Variants in SPOCK1 observed in about 807,000 individuals in gnomAD.
SPOCK1 encodes the protein SPARC (osteonectin), cwcv and kazal like domains proteoglycan 1, also known as testican-1.
In SPOCK1, 23 loss-of-function variants were observed where a neutral mutation model predicts 55.3. The observed-to-expected ratio is 0.42, with a 90% confidence interval of 0.30 to 0.59. The LOEUF is 0.59. Ranked by LOEUF, SPOCK1 falls within the 20% of genes least tolerant of loss-of-function variation. SPOCK1 has a pLI of 0.22. For synonymous variants in SPOCK1, 226 were observed against 221.0 expected, an observed-to-expected ratio of 1.02 and a Z score of -0.20; for missense variants, 499 against 552.5, an observed-to-expected ratio of 0.90 and a Z score of 0.97.
At chr5:137,125,651 A>T (rs1038586900) in intron 4 of SPOCK1, among the ~76,000 whole-genome samples, 9 of 152,276 alleles carry the variant, frequency 5.9e-5, no homozygotes, top group Non-Finnish European at 7.4e-5. Flanking sequence ...GGAACTTCCT[A>T]GCCTTCAGAA....
At position 137,072,214 on chromosome 5, in the gene SPOCK1, T is replaced by G. The variant is rs778158489; in HGVS notation, c.475-4385A>C. Among the ~76,000 whole-genome samples, 24 of 152,342 alleles carry G rather than the reference T, an allele frequency of 1.6e-4. 1 individual carries two copies. The Middle Eastern group carries it at 0.01, about 65-fold the overall frequency. On this transcript the variant is annotated intron_variant, in intron 5 of 10. Transcript: ENST00000394945. ...CCAGAAAAGAGGAAATATTAAAAAT[T>G]CAAACCTTTATATTGATTTTATGAT...
chr5:137,092,469 C>A (rs1382968484), intron 5 of SPOCK1, among the ~76,000 whole-genome samples: 2 of 152,198 alleles, frequency 1.3e-5, no homozygotes, highest in Non-Finnish European at 2.9e-5. Context: ...CTTGACACTT[C>A]TCTTATGTAA....
intron 3 of SPOCK1, among the ~76,000 whole-genome samples, chr5:137,234,020 G>GCTGGAAAGGACAGT (rs1369080855): frequency 6.6e-6 from 1 of 152,104 alleles, no homozygotes; most frequent in Non-Finnish European, 1.5e-5. Flanking sequence ...GTGTCACCTG[G>GCTGGAAAGGACAGT]CTGGAAAGGA....
intron 2 of SPOCK1, among the ~76,000 whole-genome samples, chr5:137,400,020 C>G (rs145788499): frequency 2.0e-5 from 3 of 152,308 alleles, no homozygotes; most frequent in Non-Finnish European, 4.4e-5. Context: ...GCTATTTAAT[C>G]TCAAAGTTTT....
intron 4 of SPOCK1, among the ~76,000 whole-genome samples, chr5:137,125,428 A>G (rs748789362): frequency 2.0e-5 from 3 of 152,176 alleles, no homozygotes; most frequent in Non-Finnish European, 4.4e-5. Context: ...AAATCCATAT[A>G]TCAAAATCTT....
At position 137,476,335 on chromosome 5, in the gene SPOCK1, G is replaced by A. The variant is rs542749852; in HGVS notation, c.186+22038C>T. 5.3e-5 allele frequency among the ~76,000 whole-genome samples: 8 copies of A among 152,300 alleles called. No homozygotes were observed. The South Asian group carries it at 1.7e-3, about 32-fold the overall frequency. Reference sequence around the variant, plus strand: ...GCAGAGAACAAAACAGAGCAGATAAGAAACACAGGTGGGAGCAAGCACATC... The same window carrying A: ...GCAGAGAACAAAACAGAGCAGATAAAAAACACAGGTGGGAGCAAGCACATC... On this transcript the variant is annotated intron_variant, in intron 2 of 10. Coordinates refer to ENST00000394945, the MANE Select transcript of SPOCK1 (RefSeq NM_004598.4).
At chr5:137,479,886 C>A (rs1370334214) in intron 2 of SPOCK1, among the ~76,000 whole-genome samples, 1 of 152,166 alleles carries the variant, frequency 6.6e-6, no homozygotes, top group Non-Finnish European at 1.5e-5. Context: ...ACCACTGCAT[C>A]AAGAAATTAT....
intron 6 of SPOCK1, among the ~76,000 whole-genome samples, chr5:137,012,379 T>C (rs1751367621): frequency 6.6e-6 from 1 of 151,938 alleles, no homozygotes; most frequent in Non-Finnish European, 1.5e-5. Context: ...CATGCAGAGG[T>C]TATGTTGGTC....
rs539247835 is a variant in SPOCK1 at position 137,396,937 on chromosome 5, G to A, written c.186+101436C>T. Among the ~76,000 whole-genome samples, 7 of 152,058 alleles carry A rather than the reference G, an allele frequency of 4.6e-5. No individual in the cohort carries two copies. In the South Asian group the frequency reaches 6.2e-4, roughly 14 times the overall value. On this transcript the variant is annotated intron_variant, in intron 2 of 10. Coordinates refer to ENST00000394945, the MANE Select transcript of SPOCK1 (RefSeq NM_004598.4). ...GAACTCGCTCTCCAAAGAGCCTTAC[G>A]CGTTTATACTTTGAATGCTTAAAAA... is the stretch of plus-strand genomic sequence containing the variant.
chr5:137,070,687 C>T (rs1179918031), intron 5 of SPOCK1, among the ~76,000 whole-genome samples: 2 of 152,192 alleles, frequency 1.3e-5, no homozygotes, highest in Non-Finnish European at 2.9e-5. Context: ...ACATTGAGTA[C>T]TCTGCCCCTC....
At chr5:137,492,442 C>T (rs1315292269) in intron 2 of SPOCK1, among the ~76,000 whole-genome samples, 4 of 152,118 alleles carry the variant, frequency 2.6e-5, no homozygotes, top group Non-Finnish European at 4.4e-5. Context: ...ACACACAAAC[C>T]CCTAGTCCTA....
intron 2 of SPOCK1, among the ~76,000 whole-genome samples, chr5:137,313,170 C>CAGTT (rs1266977226): frequency 6.6e-6 from 1 of 152,176 alleles, no homozygotes; most frequent in African/African-American, 2.4e-5. Context: ...GAAATTCCCA[C>CAGTT]AGTTAGAGTC....
chr5:137,385,196 C>A (rs1411724193), intron 2 of SPOCK1, among the ~76,000 whole-genome samples: 1 of 152,182 alleles, frequency 6.6e-6, no homozygotes, highest in African/African-American at 2.4e-5. Flanking sequence ...CTCTAGATCA[C>A]AATCACCTTA....
chr5:137,309,480 T>C (rs1393615245), intron 2 of SPOCK1, among the ~76,000 whole-genome samples: 2 of 152,176 alleles, frequency 1.3e-5, no homozygotes, highest in Admixed American at 1.3e-4. Context: ...TCCTGAAGCC[T>C]TGCCCACTTT....
At chr5:137,194,445 A>T (rs765936094) in intron 3 of SPOCK1, among the ~76,000 whole-genome samples, 4 of 152,166 alleles carry the variant, frequency 2.6e-5, no homozygotes, top group Non-Finnish European at 5.9e-5. Flanking sequence ...GAACTGCAGC[A>T]ATTCAGTTTC....
At chr5:137,434,690 A>T (rs796747583) in intron 2 of SPOCK1, among the ~76,000 whole-genome samples, 32 of 149,774 alleles carry the variant, frequency 2.1e-4, no homozygotes, top group Middle Eastern at 3.4e-3. Flanking sequence ...TTTAGTAGAG[A>T]CTGGGTTTCA....
chr5:137,022,502 T>C (rs907565534), intron 6 of SPOCK1, among the ~76,000 whole-genome samples: 1 of 152,116 alleles, frequency 6.6e-6, no homozygotes, highest in South Asian at 2.1e-4. Flanking sequence ...GGGCAAGAAA[T>C]AACTGAAACA....
In SPOCK1 at chr5:136,979,384, G is replaced by A; in HGVS notation, c.1077C>T (p.Asp359=). ...HGSTGQCWCV[D]KYGNELAGSR... is the part of the protein sequence containing the mutation. ...AGCCAGCCAACTCATTCCCATATTTGTCCACACACCAGCACTGCCCCGTGC... is the reference window on the plus strand; with the variant it reads ...AGCCAGCCAACTCATTCCCATATTTATCCACACACCAGCACTGCCCCGTGC... The change falls in exon 10 of 11, where the codon GAC becomes GAT. Residue 359 remains aspartate (D), a synonymous_variant. Transcript: ENST00000394945. 1 of 1,614,092 alleles carries A rather than the reference G, an allele frequency of 6.2e-7. No homozygotes were observed. The highest frequency in any genetic ancestry group is 8.5e-7 in the Non-Finnish European group (1 of 1,180,012).
At chr5:137,423,547 A>G (rs1450198742) in intron 2 of SPOCK1, among the ~76,000 whole-genome samples, 2 of 152,184 alleles carry the variant, frequency 1.3e-5, no homozygotes, top group East Asian at 3.9e-4. Context: ...TGTGCTAGCA[A>G]TGAGCGAGGC....
Sources: allele counts gnomAD v4.1 joint callset (sites outside exome capture counted in the v4.1 genomes callset), GRCh38; gene constraint gnomAD v4.1.1; transcripts MANE v1.5; gene names NCBI Gene and HGNC (gene_info 2026-07-23, HGNC 2026-07-21).